Variants in FAM120C observed in about 807,000 individuals in gnomAD.
FAM120C encodes constitutive coactivator of PPAR-gamma-like protein 2.
Under a neutral mutation model 71.2 loss-of-function variants are expected in FAM120C, and 14 were observed. That is an observed-to-expected ratio of 0.20 (90% CI 0.13 to 0.31). The LOEUF is 0.31. FAM120C is among the 10% of genes least tolerant of loss of function. The probability of loss-of-function intolerance (pLI) is 1.00; values close to 1 mark genes in which losing one functional copy is unlikely to be tolerated. For missense variants in FAM120C, 500 were observed against 879.0 expected, an observed-to-expected ratio of 0.57 and a Z score of 5.45; for synonymous variants, 354 against 353.2, an observed-to-expected ratio of 1.00 and a Z score of -0.03.
chrX:54,102,331 TTAGTC>T (rs1427196975), intron 10 of FAM120C, among the ~76,000 whole-genome samples: 4 of 91,937 alleles, frequency 4.4e-5, no homozygotes, highest in Non-Finnish European at 6.6e-5. Flanking sequence ...GCCCTGCCTC[TTAGTC>T]TATTTTCTGT....
At chrX:54,113,649 C>T (rs1385923657) in intron 10 of FAM120C, among the ~76,000 whole-genome samples, 2 of 110,584 alleles carry the variant, frequency 1.8e-5, no homozygotes, top group Admixed American at 9.7e-5. Context: ...CGGTGGCTCA[C>T]GCCTGTAATC....
intron 10 of FAM120C, among the ~76,000 whole-genome samples, chrX:54,102,032 T>G (rs1287365976): frequency 9.1e-6 from 1 of 110,398 alleles, no homozygotes; most frequent in Non-Finnish European, 1.9e-5. Flanking sequence ...AACAATTTTG[T>G]TTGTTCTTTT....
chrX:54,096,027 C>G (rs1331901744), intron 10 of FAM120C, among the ~76,000 whole-genome samples: 1 of 111,570 alleles, frequency 9.0e-6, no homozygotes, highest in East Asian at 2.8e-4. Flanking sequence ...AGTTTAAGTT[C>G]ATTCTCATTC....
chrX:54,117,809 AACAAGGAAAGAAGC>A (rs1460257864), intron 9 of FAM120C, among the ~76,000 whole-genome samples: 2 of 112,292 alleles, frequency 1.8e-5, no homozygotes, highest in African/African-American at 3.2e-5. Context: ...CACCAGGGTA[AACAAGGAAAGAAGC>A]ACAAGGAAGA....
chrX:54,168,605 G>C (rs1557135538), intron 1 of FAM120C, among the ~76,000 whole-genome samples: 1 of 112,300 alleles, frequency 8.9e-6, no homozygotes, highest in African/African-American at 3.2e-5. Context: ...AATCTGTTTT[G>C]TTCACTGCTG....
intron 1 of FAM120C, among the ~76,000 whole-genome samples, chrX:54,163,936 A>G (rs965431372): frequency 3.8e-5 from 4 of 105,978 alleles, no homozygotes; most frequent in African/African-American, 1.4e-4. Context: ...ATATATATAT[A>G]TATTTTTTTT....
intron 10 of FAM120C, among the ~76,000 whole-genome samples, chrX:54,103,928 C>T (rs1485082853): frequency 9.0e-6 from 1 of 111,436 alleles, no homozygotes; most frequent in African/African-American, 3.3e-5. Flanking sequence ...CTTCATGTAT[C>T]GGGATGGCAC....
chrX:54,108,098 G>A (rs1434529569), intron 10 of FAM120C, among the ~76,000 whole-genome samples: 1 of 103,142 alleles, frequency 9.7e-6, no homozygotes, highest in Non-Finnish European at 1.9e-5. Flanking sequence ...GTTCTCTGGT[G>A]ACTTGTAGGG....
intron 14 of FAM120C, 87 bp downstream of exon 14, chrX:54,081,235 A>C: frequency 1.1e-6 from 1 of 933,053 alleles, no homozygotes. Flanking sequence ...GCCTTAATAG[A>C]AGGATTTAAT....
intron 1 of FAM120C, among the ~76,000 whole-genome samples, chrX:54,181,628 C>T (rs2067350412): frequency 9.0e-6 from 1 of 111,386 alleles, no homozygotes; most frequent in Non-Finnish European, 1.9e-5. Context: ...CAGCCTCCTC[C>T]CAAGCTTGTG....
chrX:54,117,921 T>C (rs1337663451), intron 9 of FAM120C, among the ~76,000 whole-genome samples: 3 of 110,877 alleles, frequency 2.7e-5, no homozygotes, highest in Non-Finnish European at 3.8e-5. Context: ...AAAATCAACA[T>C]CTTTTAGATT....
Position 54,175,510 on chromosome X carries a change from C to T in FAM120C, c.699+6990G>A, listed in dbSNP as rs2516038. Among the ~76,000 whole-genome samples the T allele has an allele frequency of 2.2e-3, 230 of 104,444 alleles. 1 individual carries two copies. The highest frequency in any genetic ancestry group is 7.5e-3 in the African/African-American group (219 of 29,185). The allele number at this position is 104,444 out of a possible 115,157, so 90.7% of individuals were successfully genotyped here. A position where few individuals can be genotyped will look rare whatever the true frequency, so the allele number is the denominator to read the frequency against. On this transcript the variant is annotated intron_variant, in intron 1 of 15. Transcript: ENST00000375180. ...TACTAGGTGCACAAGATATTTTATA[C>T]TTTTTTTTTTTAATATATACAGGGT...
Position 54,124,946 on chromosome X carries a change from T to C in FAM120C, c.2062+7746A>G, listed in dbSNP as rs782591614. 4.2e-4 allele frequency among the ~76,000 whole-genome samples: 47 copies of C among 112,209 alleles called. No homozygotes were observed. In the East Asian group the frequency reaches 8.4e-3, roughly 20 times the overall value. On this transcript the variant is annotated intron_variant, in intron 9 of 15. Transcript: ENST00000375180. ...AGATACTAGTATAGATATGTGGTAC[T>C]TGTTCAACTATGGATGTCCAGTTGA...
intron 9 of FAM120C, among the ~76,000 whole-genome samples, chrX:54,118,309 C>CT (rs1353060128): frequency 3.6e-5 from 4 of 110,032 alleles, no homozygotes; most frequent in Non-Finnish European, 3.8e-5. Context: ...ATAGTACATT[C>CT]TTTTTTTTGC....
At position 54,085,718 on chromosome X, in the gene FAM120C, C is replaced by T; in HGVS notation, c.2836G>A (p.Ala946Thr). 1 of 1,209,984 alleles carries T rather than the reference C, an allele frequency of 8.3e-7. No individual in the cohort carries two copies. The highest frequency in any genetic ancestry group is 3.0e-5 in the East Asian group (1 of 33,843). Reference protein sequence around the residue: ...LPPQGRSRGFAGLHPIPPQGG... With the variant: ...LPPQGRSRGFTGLHPIPPQGG... ...TACCTCATTCTTTGGTACTGACCTG[C>T]AAATCCCCGGCTCCTCCCTTGAGGG... The change falls in exon 13 of 16, where the codon GCA (alanine) becomes ACA (threonine). Residue 946 changes from alanine (A) to threonine (T), a missense_variant. By Grantham distance (58) the Ala-to-Thr change is moderately conservative. This residue lies in a region of FAM120C where 34 missense variants were observed against 45.2 expected (regional missense o/e 0.75). Coordinates refer to ENST00000375180, the MANE Select transcript of FAM120C (RefSeq NM_017848.6).
intron 9 of FAM120C, among the ~76,000 whole-genome samples, chrX:54,118,243 T>C (rs1741642576): frequency 9.2e-6 from 1 of 109,226 alleles, no homozygotes. Context: ...AAAAAGAACC[T>C]GGCATTTTCA....
intron 10 of FAM120C, among the ~76,000 whole-genome samples, chrX:54,106,782 C>G (rs2066908929): frequency 8.9e-6 from 1 of 112,059 alleles, no homozygotes; most frequent in Non-Finnish European, 1.9e-5. Flanking sequence ...ATTTATCCAG[C>G]CAACAAACAT....
At chrX:54,090,352 C>G (rs1388652518) in intron 11 of FAM120C, among the ~76,000 whole-genome samples, 1 of 109,759 alleles carries the variant, frequency 9.1e-6, no homozygotes, top group Non-Finnish European at 1.9e-5. Context: ...CTGCCTCAGC[C>G]TCCCGAGTAG....
Position 54,116,739 on chromosome X carries a change from G to A in FAM120C, c.2118C>T (p.Thr706=), listed in dbSNP as rs782117997. The A allele has an allele frequency of 1.7e-6, 2 of 1,209,481 alleles. No homozygotes were observed. The highest frequency in any genetic ancestry group is 2.2e-6 in the Non-Finnish European group (2 of 895,021). ...ATGTCAGTGCAGACACCAGCTCAGGGGTTTGAGGTGACTTCCCTTTATAGG... is the reference window on the plus strand; with the variant it reads ...ATGTCAGTGCAGACACCAGCTCAGGAGTTTGAGGTGACTTCCCTTTATAGG... ...WSAYKGKSPQ[T]PELVSALTFR... Residue 706 remains threonine (T), a synonymous_variant, in exon 10 of 16, where the codon ACC becomes ACT. Coordinates refer to ENST00000375180, the MANE Select transcript of FAM120C (RefSeq NM_017848.6).
Sources: gnomAD v4.1 joint callset for allele counts (sites outside exome capture counted in the v4.1 genomes callset) on GRCh38, gnomAD v4.1.1 for gene constraint, gnomAD v4.1.1 regional missense constraint, MANE v1.5 for transcripts, NCBI Gene and HGNC (gene_info 2026-07-23, HGNC 2026-07-21) for gene names.